The following LRP1 variants were observed in gnomAD, a reference collection of about 807,000 sequenced individuals.
LRP1 encodes the protein LDL receptor related protein 1.
A neutral mutation model predicts 541.5 loss-of-function variants in LRP1; 51 were observed. The observed-to-expected ratio is 0.09, with a 90% CI of 0.08 to 0.12. The LOEUF is 0.12. Ranked by LOEUF, LRP1 falls within the 10% of genes least tolerant of loss-of-function variation. The pLI, the probability that LRP1 is intolerant of heterozygous loss-of-function variation, is 1.00. For missense variants in LRP1, 3,878 were observed against 6,376.2 expected, an observed-to-expected ratio of 0.61 and a Z score of 13.34; for synonymous variants, 2,219 against 2,470.8, an observed-to-expected ratio of 0.90 and a Z score of 3.02.
In LRP1 at chr12:57,208,717, G is replaced by A; in HGVS notation, c.12045G>A (p.Met4015Ile). Residue 4015 changes from methionine to isoleucine, a missense_variant, in exon 78 of 89, where the codon ATG (methionine) becomes ATA (isoleucine). Met to Ile is a conservative substitution (Grantham distance 10). This residue lies in a region of LRP1 where 871 missense variants were observed against 1,212.4 expected (regional missense o/e 0.72). Transcript: ENST00000243077. ...AIVVDPLRGT[M>I]YWSDWGNHPK... is the part of the protein sequence containing the mutation. ...ACCCCTTCTCCCTCCCCAGGACCAT[G>A]TACTGGTCAGACTGGGGCAACCACC... 6.2e-7 allele frequency: 1 copy of A among 1,610,338 alleles called. No individual in the cohort carries two copies. The highest frequency in any genetic ancestry group is 8.5e-7 in the Non-Finnish European group (1 of 1,176,766).
At chr12:57,180,866 G>A in intron 33 of LRP1, 59 bp downstream of exon 33, 1 of 1,597,554 alleles carries the variant, frequency 6.3e-7, no homozygotes. Flanking sequence ...GCCGTCCAGA[G>A]CTGCAGGCTG....
At chr12:57,186,064 G>A (rs1383649645) in intron 41 of LRP1, among the ~76,000 whole-genome samples, 156 bp downstream of exon 41, 1 of 152,110 alleles carries the variant, frequency 6.6e-6, no homozygotes, top group Admixed American at 6.5e-5. Context: ...CATGACTCCT[G>A]ATTTGGAGTC....
In LRP1 at chr12:57,191,032, C is replaced by G. The variant is rs34828300; in HGVS notation, c.7236+23C>G. 177 of 1,598,204 alleles carry G rather than the reference C, an allele frequency of 1.1e-4. No homozygotes were observed. The African/African-American group carries it at 2.3e-3, about 21-fold the overall frequency. On this transcript the variant is annotated intron_variant, in intron 43 of 88. Transcript: ENST00000243077. The stretch of plus-strand genomic sequence containing the variant: ...TATGTGAGTCTGCGGGGTGGGTGAG[C>G]TGGCGGGCGGCTGAGGGGAGGCCAG...
chr12:57,140,194 C>T (rs1376558599), intron 2 of LRP1, among the ~76,000 whole-genome samples: 2 of 152,140 alleles, frequency 1.3e-5, no homozygotes, highest in Non-Finnish European at 2.9e-5. Context: ...CCTGACACAG[C>T]TTCCCAGAGT....
At position 57,204,888 on chromosome 12, in the gene LRP1, C is replaced by G. The variant is rs2036737670; in HGVS notation, c.11194+139C>G. The G allele has an allele frequency of 2.1e-6, 3 of 1,414,086 alleles. No homozygotes were observed. The highest frequency in any genetic ancestry group is 2.9e-6 in the Non-Finnish European group (3 of 1,049,678). 87.6% of individuals were successfully genotyped at this position (1,414,086 alleles called of 1,614,324 possible). ...GAAGGGGAGGATCCATTGCTAGGAGCCTGGGGGCTTTTCGTTAGGAAAGAG... is the reference window on the plus strand; with the variant it reads ...GAAGGGGAGGATCCATTGCTAGGAGGCTGGGGGCTTTTCGTTAGGAAAGAG... On this transcript the variant is annotated intron_variant, in intron 72 of 88. Transcript: ENST00000243077. This position sits in a 1 kb window ranked among gnomAD's most constrained non-coding sequence, Gnocchi z 5.3.
chr12:57,174,788 G>A (rs553114059), intron 22 of LRP1, among the ~76,000 whole-genome samples: 215 of 152,272 alleles, frequency 1.4e-3, no homozygotes, highest in Middle Eastern at 3.4e-3. Flanking sequence ...GGCAAGGGGA[G>A]GAGGGTGCCC....
At chr12:57,202,867 T>C in intron 68 of LRP1, 1 of 548,038 alleles carries the variant, frequency 1.8e-6, no homozygotes, top group Non-Finnish European at 3.3e-6. Flanking sequence ...GATTGACCTC[T>C]CCCCAAACCC....
chr12:57,166,428 G>A, intron 17 of LRP1: 1 of 551,502 alleles, frequency 1.8e-6, no homozygotes, highest in Admixed American at 3.3e-5. Flanking sequence ...GGGCGTGGTG[G>A]CGTGCACCTC....
chr12:57,154,269 T>C lies in LRP1; in HGVS notation c.903T>C (p.Asp301=), dbSNP rs773493375. 2 of 1,614,122 alleles carry C rather than the reference T, an allele frequency of 1.2e-6. No homozygotes were observed. The highest frequency in any genetic ancestry group is 1.7e-5 in the Admixed American group (1 of 60,016). Reference sequence around the variant, plus strand: ...ACTTCTACTTTGTGGATGACATCGATGATAGGATCTTTGTCTGCAACAGAA... The same window carrying C: ...ACTTCTACTTTGTGGATGACATCGACGATAGGATCTTTGTCTGCAACAGAA... ...TGNFYFVDDI[D]DRIFVCNRNG... The change falls in exon 7 of 89, where the codon GAT becomes GAC. Residue 301 remains aspartate (D), a synonymous_variant. Coordinates refer to ENST00000243077, the MANE Select transcript of LRP1 (RefSeq NM_002332.3). This position sits in a 1 kb window ranked among gnomAD's most constrained non-coding sequence, Gnocchi z 4.6.
intron 1 of LRP1, among the ~76,000 whole-genome samples, chr12:57,131,832 G>T (rs1461686042): frequency 6.6e-6 from 1 of 152,124 alleles, no homozygotes; most frequent in Non-Finnish European, 1.5e-5. Flanking sequence ...GCCAGAGTCA[G>T]TTCCTGTCCA....
intron 4 of LRP1, 151 bp downstream of exon 4, chr12:57,143,949 C>G: frequency 3.2e-6 from 3 of 942,538 alleles, no homozygotes; most frequent in Non-Finnish European, 4.4e-6. Flanking sequence ...CAGGGCATGA[C>G]TGTGAGCCCT....
chr12:57,170,539 G>C (rs1414103582), intron 20 of LRP1, among the ~76,000 whole-genome samples: 4 of 151,982 alleles, frequency 2.6e-5, no homozygotes, highest in Admixed American at 2.0e-4. Context: ...AAAAAAAAAG[G>C]CTGGGTGTGT....
chr12:57,185,933 C>G lies in LRP1; in HGVS notation c.6841+25C>G, dbSNP rs540850177. 6.3e-5 allele frequency: 100 copies of G among 1,599,122 alleles called. No homozygotes were observed. In the South Asian group the frequency reaches 1.0e-3, roughly 16 times the overall value. On this transcript the variant is annotated intron_variant, in intron 41 of 88. Transcript: ENST00000243077. The surrounding 1 kb of genome is among the most constrained non-coding windows in gnomAD (Gnocchi z 4.9). Reference sequence around the variant, plus strand: ...AGTGAGCCCAGACCCTAAGTCTTCCCAGGAAGTGGGACATGGGGCGGGGAG... The same window carrying G: ...AGTGAGCCCAGACCCTAAGTCTTCCGAGGAAGTGGGACATGGGGCGGGGAG...
Position 57,192,984 on chromosome 12 carries a change from G to A in LRP1, c.7555+14G>A, listed in dbSNP as rs200883502. 3.2e-5 allele frequency: 51 copies of A among 1,611,514 alleles called. No homozygotes were observed. Among genetic ancestry groups the A allele is most frequent in the South Asian group, 1.3e-4 (12 of 91,064 alleles). On this transcript the variant is annotated intron_variant, in intron 45 of 88. Coordinates refer to ENST00000243077, the MANE Select transcript of LRP1 (RefSeq NM_002332.3). ...TCACCTGCCGAGGTGAGAGAGGCGG[G>A]GGGGAGGGGCTGGCGGGGAACCCAA...
At position 57,202,556 on chromosome 12, in the gene LRP1, AG is replaced by A; in HGVS notation, c.10711+20del. The A allele has an allele frequency of 1.2e-6, 1 of 821,216 alleles. No homozygotes were observed. The highest frequency in any genetic ancestry group is 1.5e-6 in the Non-Finnish European group (1 of 662,724). The allele number at this position is 821,216 out of a possible 1,614,324, so 50.9% of individuals were successfully genotyped here. On this transcript the variant is annotated intron_variant, in intron 68 of 88. Coordinates refer to ENST00000243077, the MANE Select transcript of LRP1 (RefSeq NM_002332.3). ...AGCTGCAGTACGTCCCCACCCACCCAGCCCCGCATGAGCCCCTCCCAGGCCT... is the reference window on the plus strand; with the variant it reads ...AGCTGCAGTACGTCCCCACCCACCCACCCCGCATGAGCCCCTCCCAGGCCT...
At chr12:57,129,893 T>G (rs1351267432) in intron 1 of LRP1, among the ~76,000 whole-genome samples, 2 of 152,054 alleles carry the variant, frequency 1.3e-5, no homozygotes, top group African/African-American at 4.8e-5. Context: ...GGATGGGGAT[T>G]ATGGCTGTGC....
rs34789881 is a variant in LRP1, at chr12:57,204,136, G to A, written c.10952-274G>A. The A allele has an allele frequency of 6.1e-4, 214 of 350,108 alleles. No homozygotes were observed. The highest frequency in any genetic ancestry group is 4.0e-3 in the African/African-American group (196 of 48,416). The allele number at this position is 350,108 out of a possible 1,614,324, so 21.7% of individuals were successfully genotyped here. ...AGCCCAGTGCTGTTCCCACGTCCCCGCTGTGGAACTACACAGCACAGTGCC... is the reference window on the plus strand; with the variant it reads ...AGCCCAGTGCTGTTCCCACGTCCCCACTGTGGAACTACACAGCACAGTGCC... On this transcript the variant is annotated intron_variant, in intron 70 of 88. Coordinates refer to ENST00000243077, the MANE Select transcript of LRP1 (RefSeq NM_002332.3). This position sits in a 1 kb window ranked among gnomAD's most constrained non-coding sequence, Gnocchi z 5.3.
At chr12:57,186,149 C>G (rs1357625407) in intron 41 of LRP1, among the ~76,000 whole-genome samples, 1 of 152,200 alleles carries the variant, frequency 6.6e-6, no homozygotes, top group African/African-American at 2.4e-5. Context: ...AGCGAGAGGT[C>G]TCTGTGGAGC....
chr12:57,167,676 G>A, intron 19 of LRP1, 152 bp downstream of exon 19: 1 of 645,440 alleles, frequency 1.5e-6, no homozygotes, highest in Non-Finnish European at 2.7e-6. Context: ...AACAGGAGAA[G>A]TCAGAAATGC....
Sources: gnomAD v4.1 joint callset for allele counts (sites outside exome capture counted in the v4.1 genomes callset) on GRCh38, gnomAD v4.1.1 for gene constraint, gnomAD v4.1.1 regional missense constraint, Gnocchi (gnomAD v3.1) non-coding constraint, MANE v1.5 for transcripts, NCBI Gene and HGNC (gene_info 2026-07-23, HGNC 2026-07-21) for gene names.